PARD3B: variants seen among roughly 807,000 people sequenced by gnomAD.
PARD3B encodes par-3 family cell polarity regulator beta.
In PARD3B, 103 loss-of-function variants were observed where a neutral mutation model predicts 130.2. The ratio of observed to expected loss-of-function variants is 0.79; its 90% CI spans 0.67 to 0.93. The LOEUF is 0.93. Among genes scored for constraint, PARD3B ranks in the 40% least tolerant of loss-of-function variants. The pLI is 0.00. For missense variants in PARD3B, 1,609 were observed against 1,499.2 expected (o/e 1.07, Z -1.21); for synonymous variants, 583 against 553.2 (o/e 1.05, Z -0.76).
chr2:204,618,068 G>T (rs150939956), intron 1 of PARD3B, among the ~76,000 whole-genome samples: 387 of 152,280 alleles, frequency 2.5e-3, no homozygotes, highest in Non-Finnish European at 4.3e-3. Context: ...CCATGTAATT[G>T]TGCTTTCTCC....
intron 22 of PARD3B, among the ~76,000 whole-genome samples, chr2:205,567,475 C>T (rs916597615): frequency 2.2e-4 from 12 of 55,746 alleles, no homozygotes; most frequent in East Asian, 6.6e-4. Flanking sequence ...CCACCATGCC[C>T]GGTTAATTTT....
intron 6 of PARD3B, 77 bp downstream of exon 6, chr2:205,113,654 A>G (rs1703816811): frequency 9.3e-7 from 1 of 1,074,144 alleles, no homozygotes; most frequent in Non-Finnish European, 1.4e-6. Context: ...AATATTTTTC[A>G]CAAGGAGATT....
chr2:205,481,403 G>C (rs2049230132), intron 20 of PARD3B, among the ~76,000 whole-genome samples: 1 of 152,140 alleles, frequency 6.6e-6, no homozygotes, highest in Admixed American at 6.5e-5. Flanking sequence ...TCCATGAGCA[G>C]AGTTGCATCT....
At chr2:204,880,657 CAAAAAAAAAA>C (rs746023895) in intron 2 of PARD3B, among the ~76,000 whole-genome samples, 14 of 55,444 alleles carry the variant, frequency 2.5e-4, no homozygotes, top group South Asian at 7.2e-4. Flanking sequence ...GACTCCATCT[CAAAAAAAAAA>C]AAAAAAAAAA....
intron 12 of PARD3B, among the ~76,000 whole-genome samples, chr2:205,172,641 T>G (rs2035239975): frequency 1.3e-5 from 2 of 152,240 alleles, no homozygotes; most frequent in Non-Finnish European, 2.9e-5. Context: ...CTGAACTTGT[T>G]CATAAACATC....
At chr2:205,071,888 C>G (rs1422307746) in intron 4 of PARD3B, among the ~76,000 whole-genome samples, 1 of 151,994 alleles carries the variant, frequency 6.6e-6, no homozygotes, top group African/African-American at 2.4e-5. Flanking sequence ...TTAAAAAAAA[C>G]AAAAAATGCA....
chr2:205,177,368 T>C (rs753804652), intron 13 of PARD3B, among the ~76,000 whole-genome samples: 1 of 152,224 alleles, frequency 6.6e-6, no homozygotes, highest in Non-Finnish European at 1.5e-5. Flanking sequence ...CAGGACTTTT[T>C]AATGAAAATA....
intron 2 of PARD3B, among the ~76,000 whole-genome samples, chr2:204,798,272 C>T (rs567333855): frequency 3.9e-5 from 6 of 152,150 alleles, no homozygotes; most frequent in African/African-American, 1.2e-4. Context: ...TGGGACTTGG[C>T]GTTGGAACTC....
intron 2 of PARD3B, among the ~76,000 whole-genome samples, chr2:204,831,026 A>G (rs191306956): frequency 8.5e-5 from 13 of 152,222 alleles, no homozygotes; most frequent in Admixed American, 8.5e-4. Context: ...AACTGAGTAA[A>G]TTGAATGCTT....
intron 4 of PARD3B, chr2:205,048,020 T>C (rs1698921900): frequency 1.1e-5 from 2 of 182,050 alleles, no homozygotes; most frequent in East Asian, 2.9e-4. Flanking sequence ...TAGTAATTTG[T>C]TTAAGGTCAC....
chr2:205,251,965 G>A (rs542423993), intron 16 of PARD3B, among the ~76,000 whole-genome samples: 2 of 152,128 alleles, frequency 1.3e-5, no homozygotes, highest in East Asian at 3.9e-4. Flanking sequence ...TATTTCCATG[G>A]GATTCAGGAA....
intron 18 of PARD3B, among the ~76,000 whole-genome samples, chr2:205,319,735 T>C (rs1166795057): frequency 6.6e-6 from 1 of 152,238 alleles, no homozygotes; most frequent in Non-Finnish European, 1.5e-5. Context: ...ATTGCTGAGC[T>C]AATTCTTGAT....
chr2:204,549,369 G>C (rs1174532205), intron 1 of PARD3B, among the ~76,000 whole-genome samples: 1 of 152,166 alleles, frequency 6.6e-6, no homozygotes. Flanking sequence ...CTTCTTATGT[G>C]CTTATGGTGG....
intron 3 of PARD3B, among the ~76,000 whole-genome samples, chr2:205,036,531 T>A (rs1299793886): frequency 6.7e-6 from 1 of 148,928 alleles, no homozygotes; most frequent in Non-Finnish European, 1.5e-5. Context: ...TATAGCAGAC[T>A]ATATATACAA....
chr2:204,956,387 T>C (rs1035275225), intron 2 of PARD3B, among the ~76,000 whole-genome samples: 8 of 152,214 alleles, frequency 5.3e-5, no homozygotes, highest in African/African-American at 1.9e-4. Context: ...CTTTATACTT[T>C]AGAAATATTT....
At chr2:205,054,325 C>G (rs1002835765) in intron 4 of PARD3B, among the ~76,000 whole-genome samples, 2 of 144,516 alleles carry the variant, frequency 1.4e-5, no homozygotes, top group South Asian at 2.2e-4. Context: ...GGGTCTTAGT[C>G]TAACACTGAA....
chr2:205,344,058 A>ACTT (rs2105818730), intron 18 of PARD3B, among the ~76,000 whole-genome samples: 1 of 152,268 alleles, frequency 6.6e-6, no homozygotes, highest in African/African-American at 2.4e-5. Flanking sequence ...GGGAAAGAAC[A>ACTT]CTTAAGAAAT....
intron 1 of PARD3B, among the ~76,000 whole-genome samples, chr2:204,646,901 T>C (rs1169669510): frequency 6.6e-6 from 1 of 152,002 alleles, no homozygotes; most frequent in African/African-American, 2.4e-5. Context: ...AAACACTCTA[T>C]GAACACTTAC....
chr2:205,264,479 A>G (rs1037780054), intron 16 of PARD3B, among the ~76,000 whole-genome samples: 4 of 151,186 alleles, frequency 2.6e-5, no homozygotes, highest in South Asian at 2.1e-4. Flanking sequence ...CAAATTGGAT[A>G]CTAAGTTAAA....
Sources: allele counts gnomAD v4.1 joint callset (sites outside exome capture counted in the v4.1 genomes callset), GRCh38; gene constraint gnomAD v4.1.1; transcripts MANE v1.5; gene names NCBI Gene and HGNC (gene_info 2026-07-23, HGNC 2026-07-21).